PAX5: variants seen among roughly 807,000 people sequenced by gnomAD.
PAX5 encodes the protein paired box protein Pax-5.
Under a neutral mutation model 43.7 loss-of-function variants are expected in PAX5, and 9 were observed. The ratio of observed to expected loss-of-function variants is 0.21; its 90% CI spans 0.12 to 0.36. PAX5 has a LOEUF of 0.36. Among genes scored for constraint, PAX5 ranks in the 10% least tolerant of loss-of-function variants. PAX5 has a pLI of 1.00. For missense variants in PAX5, 383 were observed against 532.7 expected, an observed-to-expected ratio of 0.72 and a Z score of 2.77; for synonymous variants, 228 against 214.3, an observed-to-expected ratio of 1.06 and a Z score of -0.56.
At chr9:36,922,783 A>T in intron 7 of PAX5, 1 of 153,256 alleles carries the variant, frequency 6.5e-6, no homozygotes, top group Non-Finnish European at 1.5e-5. Context: ...AAGTCTGCAC[A>T]GCTAGTAAAT....
chr9:37,010,728 C>G (rs914461905), intron 3 of PAX5, among the ~76,000 whole-genome samples: 1 of 152,138 alleles, frequency 6.6e-6, no homozygotes, highest in East Asian at 1.9e-4. Context: ...ATCTATGGCA[C>G]TGATCAAACT....
intron 1 of PAX5, among the ~76,000 whole-genome samples, chr9:37,031,879 G>A (rs3013739): frequency 0.86 from 130,563 of 152,186 alleles, 58,396 homozygotes; most frequent in Non-Finnish European, 0.99. Context: ...GGAAGAAAAA[G>A]GAAGTCTATT....
At chr9:36,964,941 C>T (rs889130818) in intron 6 of PAX5, among the ~76,000 whole-genome samples, 3 of 152,148 alleles carry the variant, frequency 2.0e-5, no homozygotes, top group Admixed American at 2.0e-4. Flanking sequence ...CATCATCGCC[C>T]GCCCATCCCT....
intron 6 of PAX5, among the ~76,000 whole-genome samples, chr9:36,935,362 A>G (rs1247562722): frequency 1.3e-5 from 2 of 149,930 alleles, no homozygotes; most frequent in Non-Finnish European, 3.0e-5. Context: ...CCTGGGCAAC[A>G]AGAGCGAAAC....
chr9:36,862,167 T>C (rs944130281), intron 8 of PAX5, among the ~76,000 whole-genome samples: 7 of 152,104 alleles, frequency 4.6e-5, no homozygotes, highest in Non-Finnish European at 5.9e-5. Flanking sequence ...GCTAAGCCTG[T>C]CACAAAAGCC....
intron 6 of PAX5, among the ~76,000 whole-genome samples, chr9:36,953,028 T>C (rs1833141048): frequency 6.6e-6 from 1 of 152,218 alleles, no homozygotes; most frequent in African/African-American, 2.4e-5. Flanking sequence ...AGACCAAGTC[T>C]GCTGGTGATG....
rs532314959 is a variant in PAX5 at position 36,884,741 on chromosome 9, G to C, written c.911-2636C>G. Among the ~76,000 whole-genome samples the C allele has an allele frequency of 3.3e-5, 5 of 152,316 alleles. No individual in the cohort carries two copies. The South Asian group carries it at 1.0e-3, about 32-fold the overall frequency. ...AAATCTTAGGCTTGGGAAATCATAA[G>C]AAAATTGGCTCATCTCCTAGAACCA... On this transcript the variant is annotated intron_variant, in intron 7 of 9. Coordinates refer to ENST00000358127, the MANE Select transcript of PAX5 (RefSeq NM_016734.3).
intron 8 of PAX5, chr9:36,860,961 AT>A: frequency 6.6e-6 from 1 of 152,264 alleles, no homozygotes. Context: ...TTACACTTTC[AT>A]ATGTATCCCC....
At chr9:36,996,265 C>T (rs561567467) in intron 5 of PAX5, among the ~76,000 whole-genome samples, 142 of 152,366 alleles carry the variant, frequency 9.3e-4, no homozygotes, top group African/African-American at 3.2e-3. Context: ...GGCCCTGGGG[C>T]CACGCCCTTG....
At chr9:36,942,366 T>C (rs1157686605) in intron 6 of PAX5, among the ~76,000 whole-genome samples, 1 of 152,254 alleles carries the variant, frequency 6.6e-6, no homozygotes, top group African/African-American at 2.4e-5. Context: ...AGAAAATGCA[T>C]TTCCCTGGCT....
intron 7 of PAX5, among the ~76,000 whole-genome samples, chr9:36,903,907 C>T (rs1273719062): frequency 6.6e-6 from 1 of 152,190 alleles, no homozygotes; most frequent in Non-Finnish European, 1.5e-5. Context: ...TTCCAGGCTG[C>T]CATGACTCAC....
intron 5 of PAX5, 75 bp from the exon 6 acceptor site, chr9:36,966,799 G>A (rs1834481931): frequency 1.4e-6 from 2 of 1,385,064 alleles, no homozygotes; most frequent in Admixed American, 3.7e-5. Context: ...CAGACCCTGA[G>A]ACTATGAAGA....
At chr9:36,872,418 G>A (rs1405826735) in intron 8 of PAX5, among the ~76,000 whole-genome samples, 1 of 152,102 alleles carries the variant, frequency 6.6e-6, no homozygotes, top group Non-Finnish European at 1.5e-5. Flanking sequence ...TGAATGGCAG[G>A]AGCAGAAAAC....
intron 9 of PAX5, among the ~76,000 whole-genome samples, chr9:36,842,781 CGCAGCCCCCTTGCCACCCTG>C (rs1452483749): frequency 6.6e-6 from 1 of 152,142 alleles, no homozygotes; most frequent in African/African-American, 2.4e-5. Context: ...CTGCCGGGAC[CGCAGCCCCCTTGCCACCCTG>C]GGGCCCTGGT....
chr9:36,881,932 T>G, intron 8 of PAX5, 72 bp downstream of exon 8: 1 of 1,106,494 alleles, frequency 9.0e-7, no homozygotes, highest in Non-Finnish European at 1.3e-6. Context: ...CCCAGGCTGT[T>G]TGGGGGGGGA....
At chr9:36,996,462 G>A (rs748385644) in intron 5 of PAX5, among the ~76,000 whole-genome samples, 1 of 152,172 alleles carries the variant, frequency 6.6e-6, no homozygotes, top group Non-Finnish European at 1.5e-5. Flanking sequence ...GGCTCTCCAG[G>A]GATCAGAGAT....
At chr9:37,031,660 GA>G (rs1453272768) in intron 1 of PAX5, among the ~76,000 whole-genome samples, 1 of 151,850 alleles carries the variant, frequency 6.6e-6, no homozygotes, top group African/African-American at 2.4e-5. Context: ...CATGCTTTAT[GA>G]TCTCGAACAA....
At chr9:36,860,132 T>A (rs1207690059) in intron 8 of PAX5, among the ~76,000 whole-genome samples, 2 of 148,648 alleles carry the variant, frequency 1.3e-5, no homozygotes, top group East Asian at 4.0e-4. Context: ...AGGTCAGGAG[T>A]TCGAGACCAG....
intron 6 of PAX5, among the ~76,000 whole-genome samples, chr9:36,944,744 T>C (rs764283817): frequency 4.6e-5 from 7 of 152,236 alleles, no homozygotes; most frequent in South Asian, 2.1e-4. Context: ...TGTCTCCATA[T>C]GGGTTCAGTA....
Sources: gnomAD v4.1 joint callset for allele counts (sites outside exome capture counted in the v4.1 genomes callset) on GRCh38, gnomAD v4.1.1 for gene constraint, MANE v1.5 for transcripts, NCBI Gene and HGNC (gene_info 2026-07-23, HGNC 2026-07-21) for gene names.